BRI3: variants seen among roughly 807,000 people sequenced by gnomAD.
BRI3 encodes the protein brain protein I3.
In BRI3, 6 loss-of-function variants were observed where a neutral mutation model predicts 12.8. The observed-to-expected ratio is 0.47, with a 90% CI of 0.26 to 0.93. The LOEUF is 0.93. Ranked by LOEUF, BRI3 falls within the 40% of genes least tolerant of loss-of-function variation. BRI3 has a pLI of 0.15. For synonymous variants in BRI3, 91 were observed against 76.1 expected (o/e 1.20, Z -1.02); for missense variants, 134 against 171.1 (o/e 0.78, Z 1.21).
intron 2 of BRI3, chr7:98,282,721 G>A: frequency 4.6e-6 from 2 of 434,558 alleles, no homozygotes; most frequent in South Asian, 6.4e-5. Context: ...CAAGTGATTG[G>A]GATGTAGAAA....
chr7:98,317,310 G>A, the BRI3 span: 9 of 1,614,066 alleles, frequency 5.6e-6, no homozygotes, highest in African/African-American at 1.3e-5. Flanking sequence ...TTTCTCCAAA[G>A]ACTCTAATTT....
downstream of BRI3, among the ~76,000 whole-genome samples, chr7:98,297,002 C>T (rs1800219375): frequency 6.6e-6 from 1 of 152,248 alleles, no homozygotes; most frequent in Non-Finnish European, 1.5e-5. Context: ...CCACAGGCAG[C>T]ACTGCCACCG....
At chr7:98,322,741 TC>T in the BRI3 span, 1 of 152,312 alleles carries the variant, frequency 6.6e-6, no homozygotes, top group Admixed American at 6.5e-5. Context: ...AATGCCTGCT[TC>T]CATCCCTCAT....
chr7:98,287,020 C>G (rs144125724), intron 2 of BRI3, among the ~76,000 whole-genome samples: 2 of 152,328 alleles, frequency 1.3e-5, no homozygotes, highest in African/African-American at 4.8e-5. Context: ...GCCGAACTCT[C>G]CTGGCCAGCC....
At chr7:98,313,109 C>T (rs970389850), downstream of BRI3, among the ~76,000 whole-genome samples, 13 of 150,642 alleles carry the variant, frequency 8.6e-5, no homozygotes, top group South Asian at 6.3e-4. Context: ...CTCACACCAC[C>T]CCTGTCCCCA....
chr7:98,304,411 A>G, upstream of BRI3: 1 of 1,608,020 alleles, frequency 6.2e-7, no homozygotes, highest in Non-Finnish European at 8.5e-7. Flanking sequence ...CGTGTTAGAT[A>G]ATGTCTCACC....
At chr7:98,304,401 C>T (rs755519692), upstream of BRI3, 38 of 1,611,606 alleles carry the variant, frequency 2.4e-5, no homozygotes, top group Non-Finnish European at 3.1e-5. Context: ...GGACACAGCA[C>T]GTGTTAGATA....
chr7:98,308,318 AAAG>A (rs1252998307), exon 2 of BRI3: 10 of 458,922 alleles, frequency 2.2e-5, no homozygotes, highest in African/African-American at 4.0e-5. Flanking sequence ...TCCACAAAGA[AAAG>A]AAGAAAGCTG....
exon 2 of BRI3, chr7:98,309,670 T>C (rs1354864069): frequency 1.3e-5 from 2 of 152,248 alleles, no homozygotes; most frequent in Non-Finnish European, 2.9e-5. Flanking sequence ...CTTCACACGC[T>C]GTGGTCCAGG....
chr7:98,304,223 T>C (rs2116839301), upstream of BRI3: 1 of 1,609,998 alleles, frequency 6.2e-7, no homozygotes, highest in Non-Finnish European at 8.5e-7. Context: ...GCTTGGACGC[T>C]GGGGCCTTAA....
chr7:98,317,100 G>A, the BRI3 span: 1 of 1,282,056 alleles, frequency 7.8e-7, no homozygotes, highest in Non-Finnish European at 1.1e-6. Context: ...TGATCCTACT[G>A]CCTCGGCCTC....
At chr7:98,287,694 T>C (rs1016034384) in intron 2 of BRI3, among the ~76,000 whole-genome samples, 1 of 152,124 alleles carries the variant, frequency 6.6e-6, no homozygotes, top group African/African-American at 2.4e-5. Context: ...GATGGAGAAT[T>C]AGGAAGCAGG....
At chr7:98,282,711 C>A in intron 2 of BRI3, 1 of 459,572 alleles carries the variant, frequency 2.2e-6, no homozygotes, top group Non-Finnish European at 3.9e-6. Flanking sequence ...CATTGCACCC[C>A]AAGTGATTGG....
At chr7:98,313,149 ACCCCCAACTGTCACC>A (rs1800936112), downstream of BRI3, among the ~76,000 whole-genome samples, 1 of 25,092 alleles carries the variant, frequency 4.0e-5, no homozygotes, top group East Asian at 1.2e-3. Context: ...CTGTCACCCC[ACCCCCAACTGTCACC>A]CTGACACTCT....
At chr7:98,300,763 C>T (rs958640785) in intron 1 of BRI3, among the ~76,000 whole-genome samples, 3 of 152,144 alleles carry the variant, frequency 2.0e-5, no homozygotes, top group African/African-American at 4.8e-5. Flanking sequence ...CCACTCCCCT[C>T]GCAGGCCAGC....
At chr7:98,295,657 G>A (rs575158842), downstream of BRI3, among the ~76,000 whole-genome samples, 6 of 152,094 alleles carry the variant, frequency 3.9e-5, no homozygotes, top group Non-Finnish European at 7.4e-5. Flanking sequence ...CTCTCCCACT[G>A]GAGTCATCTG....
In BRI3 at chr7:98,290,219, C is replaced by T. The variant is rs1479321805; in HGVS notation, c.246-892C>T. Reference sequence around the variant, plus strand: ...TTTTTTTTTTTTTGAGACGGAGTCTCGCTCTGTCGCCCAGGCCGGACTGTG... The same window carrying T: ...TTTTTTTTTTTTTGAGACGGAGTCTTGCTCTGTCGCCCAGGCCGGACTGTG... On this transcript the variant is annotated intron_variant, in intron 2 of 2. Transcript: ENST00000297290. Among the ~76,000 whole-genome samples, 38 of 136,898 alleles carry T rather than the reference C, an allele frequency of 2.8e-4. No homozygotes were observed. The South Asian group carries it at 3.0e-3, about 11-fold the overall frequency. The allele number at this position is 136,898 out of a possible 152,430, so 89.8% of individuals were successfully genotyped here.
At chr7:98,305,834 G>A (rs1352937195), upstream of BRI3, among the ~76,000 whole-genome samples, 1 of 152,178 alleles carries the variant, frequency 6.6e-6, no homozygotes, top group Non-Finnish European at 1.5e-5. Context: ...ACTACTGTTA[G>A]TATCTGATCT....
chr7:98,294,625 C>T (rs1056742026), downstream of BRI3, among the ~76,000 whole-genome samples: 1 of 152,180 alleles, frequency 6.6e-6, no homozygotes, highest in Non-Finnish European at 1.5e-5. Context: ...CTCTCAGACT[C>T]GGGGCAAACA....
Sources: gnomAD v4.1 joint callset for allele counts (sites outside exome capture counted in the v4.1 genomes callset) on GRCh38, gnomAD v4.1.1 for gene constraint, MANE v1.5 for transcripts, NCBI Gene and HGNC (gene_info 2026-07-23, HGNC 2026-07-21) for gene names.